Variants in BMP1 observed in about 807,000 individuals in gnomAD.
The protein encoded by BMP1 is bone morphogenetic protein 1, also known as mammalian tolloid protein.
Under a neutral mutation model 116.8 loss-of-function variants are expected in BMP1, and 63 were observed. The observed-to-expected ratio is 0.54, with a 90% CI of 0.44 to 0.67. The LOEUF is 0.67. Ranked by LOEUF, BMP1 falls within the 30% of genes least tolerant of loss-of-function variation. BMP1 has a pLI of 0.00. For synonymous variants in BMP1, 536 were observed against 533.4 expected (o/e 1.00, Z -0.07); for missense variants, 1,183 against 1,358.9 (o/e 0.87, Z 2.04).
chr8:22,206,760 A>T, intron 16 of BMP1, 94 bp from the exon 17 acceptor site: 1 of 1,542,926 alleles, frequency 6.5e-7, no homozygotes, highest in South Asian at 1.2e-5. Context: ...AGATGGAAGA[A>T]AGGAGGGGGG....
At chr8:22,199,142 C>T (rs761013626) in intron 15 of BMP1, 13 of 1,367,670 alleles carry the variant, frequency 9.5e-6, no homozygotes, top group Non-Finnish European at 1.3e-5. Context: ...GACACACACG[C>T]CCACACGCAC....
chr8:22,177,588 T>G (rs1464840224), intron 5 of BMP1: 1 of 749,252 alleles, frequency 1.3e-6, no homozygotes, highest in African/African-American at 1.7e-5. Context: ...TCTTCACTGC[T>G]CCTTCTCAGC....
intron 13 of BMP1, among the ~76,000 whole-genome samples, chr8:22,195,907 C>G (rs910404157): frequency 6.6e-6 from 1 of 152,050 alleles, no homozygotes; most frequent in African/African-American, 2.4e-5. Context: ...CCTCGGCCTC[C>G]CAAAGTGCTG....
chr8:22,195,623 T>C, intron 13 of BMP1, 36 bp downstream of exon 13: 1 of 1,578,940 alleles, frequency 6.3e-7, no homozygotes, highest in Non-Finnish European at 8.5e-7. Context: ...CCCTGTTCTT[T>C]CCCTGGCACC....
At position 22,209,644 on chromosome 8, in the gene BMP1, C is replaced by T. The variant is rs541869451; in HGVS notation, c.2775C>T (p.Phe925=). 13 of 1,614,112 alleles carry T rather than the reference C, an allele frequency of 8.1e-6. No individual in the cohort carries two copies. Among genetic ancestry groups the T allele is most frequent in the Admixed American group, 3.3e-5 (2 of 60,032 alleles). ...TDCGYDYMEL[F]DGYDSTAPRL... is the part of the protein sequence containing the mutation. ...GCGGCTATGACTACATGGAGCTCTT[C>T]GACGGCTACGACAGCACAGCCCCCA... The change falls in exon 19 of 20, where the codon TTC becomes TTT. Residue 925 remains phenylalanine, a synonymous_variant. Coordinates refer to ENST00000306385, the MANE Select transcript of BMP1 (RefSeq NM_006129.5).
At chr8:22,196,314 G>A (rs1296653779) in intron 13 of BMP1, 1 of 566,676 alleles carries the variant, frequency 1.8e-6, no homozygotes, top group African/African-American at 1.9e-5. Flanking sequence ...CGATCCTGCT[G>A]TGCCCCCGAG....
chr8:22,185,172 C>T (rs1828731109), intron 8 of BMP1, among the ~76,000 whole-genome samples: 1 of 152,154 alleles, frequency 6.6e-6, no homozygotes, highest in Non-Finnish European at 1.5e-5. Context: ...AGGGAATCAG[C>T]CGGGTGCGGT....
intron 16 of BMP1, among the ~76,000 whole-genome samples, chr8:22,203,036 A>G (rs1448645637): frequency 6.6e-6 from 1 of 152,170 alleles, no homozygotes; most frequent in Non-Finnish European, 1.5e-5. Context: ...TAAATAAAGC[A>G]AAATAAAAAC....
chr8:22,174,372 T>G (rs1828369366), intron 2 of BMP1, among the ~76,000 whole-genome samples: 1 of 152,178 alleles, frequency 6.6e-6, no homozygotes, highest in Non-Finnish European at 1.5e-5. Context: ...CTCTTTAAGG[T>G]CAGGGATGCT....
At chr8:22,170,376 C>T (rs1017786459) in intron 1 of BMP1, 3 of 152,260 alleles carry the variant, frequency 2.0e-5, no homozygotes, top group Non-Finnish European at 2.9e-5. Flanking sequence ...GGGTGCGTAC[C>T]GTGTTGCATG....
chr8:22,177,938 G>A lies in BMP1; in HGVS notation c.817G>A (p.Ala273Thr), dbSNP rs751313930. 6.2e-7 allele frequency: 1 copy of A among 1,611,818 alleles called. No individual in the cohort carries two copies. Among genetic ancestry groups the A allele is most frequent in the Non-Finnish European group, 8.5e-7 (1 of 1,178,324 alleles). Residue 273 changes from alanine to threonine, a missense_variant, in exon 6 of 20, where the codon GCT becomes ACT. By Grantham distance (58) the Ala-to-Thr change is moderately conservative. Around this residue, in one of 4 missense-constraint regions of BMP1, gnomAD observed 956 missense variants for 1,135.2 expected, o/e 0.84. Coordinates refer to ENST00000306385, the MANE Select transcript of BMP1 (RefSeq NM_006129.5). ...TYDFDSIMHYARNTFSRGIFL... is the reference protein window; with the variant it reads ...TYDFDSIMHYTRNTFSRGIFL... ...TGACTTCGACAGCATCATGCATTAC[G>A]CTCGGAACACATTCTCCAGGTGGGA...
intron 2 of BMP1, among the ~76,000 whole-genome samples, chr8:22,174,598 G>A (rs1828376610): frequency 1.3e-5 from 2 of 151,510 alleles, no homozygotes; most frequent in Admixed American, 6.6e-5. Context: ...AAAGGGCAGG[G>A]GCAGGGATTC....
At position 22,182,949 on chromosome 8, in the gene BMP1, C is replaced by T. The variant is rs535130379; in HGVS notation, c.1077+2466C>T. 9.2e-5 allele frequency among the ~76,000 whole-genome samples: 14 copies of T among 152,304 alleles called. No homozygotes were observed. In the East Asian group the frequency reaches 1.2e-3, roughly 13 times the overall value. On this transcript the variant is annotated intron_variant, in intron 8 of 19. Coordinates refer to ENST00000306385, the MANE Select transcript of BMP1 (RefSeq NM_006129.5). ...GCTCTCCTCCTTCTATGTTATTGAG[C>T]TTCTATTTCCTTTTCAAACAATGCT...
At chr8:22,182,671 A>C (rs1828657089) in intron 8 of BMP1, among the ~76,000 whole-genome samples, 1 of 152,158 alleles carries the variant, frequency 6.6e-6, no homozygotes, top group East Asian at 1.9e-4. Context: ...CCTAGTAATC[A>C]AGTGTTTCTT....
Position 22,196,552 on chromosome 8 carries a change from A to G in BMP1, c.1766-128A>G. 5 of 1,386,170 alleles carry G rather than the reference A, an allele frequency of 3.6e-6. No homozygotes were observed. The South Asian group carries it at 6.1e-5, about 17-fold the overall frequency. 85.9% of individuals were successfully genotyped at this position (1,386,170 alleles called of 1,614,324 possible). On this transcript the variant is annotated intron_variant, in intron 13 of 19. Transcript: ENST00000306385. ...CCCGTCCGCCCCAGAGGGACCAGAC[A>G]CAGGTCCCTGAGCCTTGGGGAGTCC...
At position 22,176,980 on chromosome 8, in the gene BMP1, C is replaced by T. The variant is rs776653587; in HGVS notation, c.571C>T (p.Arg191Cys). ...CTCCAGGTGCTGCTCCTACGTGGGT[C>T]GCCGCGGCGGGGGCCCCCAGGCCAT... is the stretch of plus-strand genomic sequence containing the variant. ...RPCGCCSYVG[R>C]RGGGPQAISI... The change falls in exon 5 of 20, where the codon CGC becomes TGC. Residue 191 changes from arginine to cysteine, a missense_variant. Arg to Cys is a radical substitution (Grantham distance 180). Transcript: ENST00000306385. The T allele has an allele frequency of 6.2e-7, 1 of 1,611,468 alleles. No individual in the cohort carries two copies. The highest frequency in any genetic ancestry group is 8.5e-7 in the Non-Finnish European group (1 of 1,179,046).
At chr8:22,201,711 G>A in intron 15 of BMP1, 92 bp from the exon 16 acceptor site, 1 of 1,566,120 alleles carries the variant, frequency 6.4e-7, no homozygotes, top group Non-Finnish European at 8.6e-7. Context: ...GTCCCGGTGG[G>A]AGAAAGTCCA....
In BMP1 at chr8:22,197,507, C is replaced by G; in HGVS notation, c.2107+87C>G. 3 of 1,439,902 alleles carry G rather than the reference C, an allele frequency of 2.1e-6. No homozygotes were observed. In the East Asian group the frequency reaches 7.0e-5, roughly 33 times the overall value. The allele number at this position is 1,439,902 out of a possible 1,614,324, so 89.2% of individuals were successfully genotyped here. On this transcript the variant is annotated intron_variant, in intron 15 of 19. Coordinates refer to ENST00000306385, the MANE Select transcript of BMP1 (RefSeq NM_006129.5). ...CCCTGCCCCTGCACCCCTGTACTCCCCAGCCCTCCCTGGTGCCAGGCAGGC... is the reference window on the plus strand; with the variant it reads ...CCCTGCCCCTGCACCCCTGTACTCCGCAGCCCTCCCTGGTGCCAGGCAGGC...
intron 18 of BMP1, 35 bp downstream of exon 18, chr8:22,207,551 C>T (rs1829386560): frequency 1.9e-6 from 3 of 1,604,696 alleles, no homozygotes; most frequent in Non-Finnish European, 2.6e-6. Flanking sequence ...TTCACTGAGC[C>T]TGGTCTCCAA....
Sources: gnomAD v4.1 joint callset for allele counts (sites outside exome capture counted in the v4.1 genomes callset) on GRCh38, gnomAD v4.1.1 for gene constraint, gnomAD v4.1.1 regional missense constraint, MANE v1.5 for transcripts, NCBI Gene and HGNC (gene_info 2026-07-23, HGNC 2026-07-21) for gene names.